Variants in CFAP43 observed in about 807,000 individuals in gnomAD.
CFAP43 encodes the protein cilia- and flagella-associated protein 43.
Under a neutral mutation model 218.9 loss-of-function variants are expected in CFAP43, and 155 were observed. The observed-to-expected ratio is 0.71, with a 90% CI of 0.62 to 0.81. The LOEUF is 0.81. Among genes scored for constraint, CFAP43 ranks in the 30% least tolerant of loss-of-function variants. The pLI, the probability that CFAP43 is intolerant of heterozygous loss-of-function variation, is 0.00. For missense variants in CFAP43, 1,778 were observed against 1,954.3 expected (o/e 0.91, Z 1.70); for synonymous variants, 645 against 681.3 (o/e 0.95, Z 0.83).
At chr10:104,147,409 T>A (rs998262976) in intron 29 of CFAP43, among the ~76,000 whole-genome samples, 1 of 152,136 alleles carries the variant, frequency 6.6e-6, no homozygotes, top group African/African-American at 2.4e-5. Flanking sequence ...GTCTTTTTAA[T>A]GAACCATATC....
chr10:104,143,190 C>G (rs2087788451), intron 32 of CFAP43, among the ~76,000 whole-genome samples: 1 of 152,150 alleles, frequency 6.6e-6, no homozygotes, highest in Non-Finnish European at 1.5e-5. Flanking sequence ...TGCATAATAA[C>G]CACTTGTGGC....
In CFAP43 at chr10:104,209,833, T is replaced by C. The variant is rs1245059048; in HGVS notation, c.736-2009A>G. Among the ~76,000 whole-genome samples the C allele has an allele frequency of 2.0e-5, 3 of 152,326 alleles. No homozygotes were observed. The East Asian group carries it at 5.8e-4, about 29-fold the overall frequency. On this transcript the variant is annotated intron_variant, in intron 5 of 37. Coordinates refer to ENST00000357060, the MANE Select transcript of CFAP43 (RefSeq NM_025145.7). Reference sequence around the variant, plus strand: ...ATATCTCCAAGGCTGAGACCTGTGCTATAAAAGGAACTACAGTATCCACAG... The same window carrying C: ...ATATCTCCAAGGCTGAGACCTGTGCCATAAAAGGAACTACAGTATCCACAG...
rs1274393096 is a variant in CFAP43, at chr10:104,187,501, T to A, written c.1688-9A>T. ...AGCAAAGGTTGTGGAAACTATTAGA[T>A]TTGGAAAAAGAAGAGAAATCACTTG... On this transcript the variant is annotated splice_polypyrimidine_tract_variant and intron_variant, in intron 13 of 37. Transcript: ENST00000357060. 6.5e-7 allele frequency: 1 copy of A among 1,533,568 alleles called. No individual in the cohort carries two copies. The allele number at this position is 1,533,568 out of a possible 1,614,324, so 95.0% of individuals were successfully genotyped here.
At chr10:104,188,996 G>A (rs111847368) in intron 12 of CFAP43, among the ~76,000 whole-genome samples, 1 of 152,044 alleles carries the variant, frequency 6.6e-6, no homozygotes, top group East Asian at 1.9e-4. Context: ...TTCCCCAGGC[G>A]GTCAGCAGAT....
intron 28 of CFAP43, among the ~76,000 whole-genome samples, chr10:104,148,526 G>A (rs1268693884): frequency 6.6e-6 from 1 of 152,130 alleles, no homozygotes; most frequent in East Asian, 1.9e-4. Flanking sequence ...CATGGGTATG[G>A]GTCCCTCATG....
chr10:104,167,096 C>T (rs571685390), intron 22 of CFAP43, among the ~76,000 whole-genome samples: 44 of 152,200 alleles, frequency 2.9e-4, no homozygotes, highest in Non-Finnish European at 5.1e-4. Context: ...AAGGTTAACA[C>T]GAATTAAGCA....
chr10:104,186,595 T>G (rs1017959872), intron 14 of CFAP43, among the ~76,000 whole-genome samples: 1 of 152,114 alleles, frequency 6.6e-6, no homozygotes, highest in East Asian at 1.9e-4. Context: ...CCACCAAAAT[T>G]GTATGCAATA....
chr10:104,179,460 A>G lies in CFAP43; in HGVS notation c.2383-354T>C, dbSNP rs368285743. ...AGACACGAGCTGTAATCAGTCAGTC[A>G]CCTTCCTGAATAGCTGCAGCCACAG... is the stretch of plus-strand genomic sequence containing the variant. On this transcript the variant is annotated intron_variant, in intron 18 of 37. Transcript: ENST00000357060. Among the ~76,000 whole-genome samples, 12 of 152,182 alleles carry G rather than the reference A, an allele frequency of 7.9e-5. 1 individual carries two copies. In the East Asian group the frequency reaches 9.6e-4, roughly 12 times the overall value.
At chr10:104,172,573 G>T (rs761192630) in intron 19 of CFAP43, 38 bp from the exon 20 acceptor site, 6 of 1,514,428 alleles carry the variant, frequency 4.0e-6, no homozygotes, top group Non-Finnish European at 4.4e-6. Context: ...GACAAGTAAA[G>T]AATTAAACTG....
intron 15 of CFAP43, 85 bp downstream of exon 15, chr10:104,185,889 G>C (rs1291441051): frequency 7.8e-7 from 1 of 1,276,852 alleles, no homozygotes. Context: ...GCATATATAA[G>C]CAAATTTTTA....
At chr10:104,157,785 A>T (rs1231428394) in intron 27 of CFAP43, among the ~76,000 whole-genome samples, 182 of 109,832 alleles carry the variant, frequency 1.7e-3, no homozygotes, top group East Asian at 0.015. Flanking sequence ...TGAGAGAGAG[A>T]GAGAGAGAGA....
chr10:104,185,255 C>T, intron 15 of CFAP43, 109 bp from the exon 16 acceptor site: 1 of 1,417,142 alleles, frequency 7.1e-7, no homozygotes, highest in South Asian at 1.2e-5. Context: ...TTTCTATTTG[C>T]TAACAGCATT....
chr10:104,174,812 T>C (rs1186300341), intron 19 of CFAP43, among the ~76,000 whole-genome samples: 1 of 151,954 alleles, frequency 6.6e-6, no homozygotes, highest in Non-Finnish European at 1.5e-5. Flanking sequence ...TCCCAGCACT[T>C]TGGGAGGCCG....
At chr10:104,173,682 C>T (rs1474271518) in intron 19 of CFAP43, among the ~76,000 whole-genome samples, 4 of 152,192 alleles carry the variant, frequency 2.6e-5, no homozygotes, top group Admixed American at 6.5e-5. Flanking sequence ...CAATGGGATG[C>T]CAAGACACTT....
At position 104,143,555 on chromosome 10, in the gene CFAP43, A is replaced by G; in HGVS notation, c.4029T>C (p.Asp1343=). ...TAGCTTTCATTAACTGGGCAAAGGC[A>G]TCCTTATTCAACTTGCCAGATCCTG... ...ELPGSGKLNK[D]AFAQLMKAMD... The change falls in exon 32 of 38, where the codon GAT becomes GAC. Residue 1343 remains aspartate (D), a synonymous_variant. Transcript: ENST00000357060. 1 of 1,614,228 alleles carries G rather than the reference A, an allele frequency of 6.2e-7. No homozygotes were observed. The highest frequency in any genetic ancestry group is 8.5e-7 in the Non-Finnish European group (1 of 1,180,028).
Position 104,193,952 on chromosome 10 carries a change from C to G in CFAP43, c.1356G>C (p.Ser452=). 1 of 1,614,018 alleles carries G rather than the reference C, an allele frequency of 6.2e-7. No homozygotes were observed. The highest frequency in any genetic ancestry group is 8.5e-7 in the Non-Finnish European group (1 of 1,180,010). ...LSAAVGTEDG[S]VYFISVYDKE... Reference sequence around the variant, plus strand: ...TATCATATACGCTGATGAAGTAGACCGAGCCATCCTCCGTGCCCACGGCTG... The same window carrying G: ...TATCATATACGCTGATGAAGTAGACGGAGCCATCCTCCGTGCCCACGGCTG... The change falls in exon 11 of 38, where the codon TCG becomes TCC. Residue 452 remains serine (S), a synonymous_variant. Transcript: ENST00000357060.
intron 27 of CFAP43, among the ~76,000 whole-genome samples, chr10:104,153,759 C>T (rs904489754): frequency 5.4e-5 from 8 of 148,098 alleles, no homozygotes; most frequent in African/African-American, 1.7e-4. Context: ...TGCTTTATCA[C>T]TTTTCTCTCT....
intron 2 of CFAP43, among the ~76,000 whole-genome samples, chr10:104,229,228 C>A (rs1038597617): frequency 4.6e-5 from 7 of 152,156 alleles, no homozygotes; most frequent in Non-Finnish European, 8.8e-5. Flanking sequence ...ACTTATTTGA[C>A]CCTTAAGACT....
In CFAP43 at chr10:104,225,531, G is replaced by A; in HGVS notation, c.346C>T (p.Leu116Phe). 1 of 1,612,498 alleles carries A rather than the reference G, an allele frequency of 6.2e-7. No homozygotes were observed. The change falls in exon 3 of 38, where the codon CTT becomes TTT. Residue 116 changes from leucine to phenylalanine, a missense_variant. By Grantham distance (22) the Leu-to-Phe change is conservative. Around this residue, in one of 3 missense-constraint regions of CFAP43, gnomAD observed 1,553 missense variants for 1,685.2 expected, o/e 0.92. Transcript: ENST00000357060. ...TAGGTGCCACAGTAACTGAATGAAA[G>A]TAAAGTGTAGTCCAGGAGAATGTTG... is the stretch of plus-strand genomic sequence containing the variant. ...KGNILLDYTLLSFSYCGTYLA... is the reference protein window; with the variant it reads ...KGNILLDYTLFSFSYCGTYLA...
Sources: allele counts gnomAD v4.1 joint callset (sites outside exome capture counted in the v4.1 genomes callset), GRCh38; gene constraint gnomAD v4.1.1; regional missense constraint gnomAD v4.1.1; transcripts MANE v1.5; gene names NCBI Gene and HGNC (gene_info 2026-07-23, HGNC 2026-07-21).